Variants in KLF9 observed in about 807,000 individuals in gnomAD.
KLF9 encodes Krueppel-like factor 9.
Under a neutral mutation model 17.3 loss-of-function variants are expected in KLF9, and 2 were observed. That is an observed-to-expected ratio of 0.12 (90% CI 0.05 to 0.36). The LOEUF (loss-of-function observed/expected upper bound fraction) is 0.36. KLF9 is among the 10% of genes least tolerant of loss of function. The pLI is 1.00. For synonymous variants in KLF9, 138 were observed against 139.2 expected, an observed-to-expected ratio of 0.99 and a Z score of 0.06; for missense variants, 226 against 333.2, an observed-to-expected ratio of 0.68 and a Z score of 2.51.
chr9:70,393,765 A>G (rs1446793051), intron 1 of KLF9, among the ~76,000 whole-genome samples: 1 of 152,196 alleles, frequency 6.6e-6, no homozygotes, highest in Non-Finnish European at 1.5e-5. Flanking sequence ...GACTTCTTCT[A>G]GAAGAAAAAT....
rs73458560 is a variant in KLF9, at chr9:70,411,822, C to T, written c.505+1037G>A. Among the ~76,000 whole-genome samples, 620 of 152,292 alleles carry T rather than the reference C, an allele frequency of 4.1e-3. 5 individuals are homozygous for T. The highest frequency in any genetic ancestry group is 0.014 in the African/African-American group (595 of 41,560). On this transcript the variant is annotated intron_variant, in intron 1 of 1. Coordinates refer to ENST00000377126, the MANE Select transcript of KLF9 (RefSeq NM_001206.4). The stretch of plus-strand genomic sequence containing the variant: ...CACAAGACAGAGGCAAAAGGCTTAT[C>T]TGAGAGGACCAAGCCCCGCTACCTC...
intron 1 of KLF9, among the ~76,000 whole-genome samples, chr9:70,411,729 A>C (rs2037314938): frequency 6.6e-6 from 1 of 152,206 alleles, no homozygotes; most frequent in Admixed American, 6.5e-5. Context: ...AAAAGTATCG[A>C]GGTATTACAC....
At chr9:70,409,207 T>C (rs1345220918) in intron 1 of KLF9, among the ~76,000 whole-genome samples, 6 of 133,130 alleles carry the variant, frequency 4.5e-5, no homozygotes, top group African/African-American at 1.4e-4. Context: ...TATGTATATA[T>C]ATATACATAT....
chr9:70,385,162 A>ATAAG lies in KLF9; in HGVS notation c.*2610_*2613dup, dbSNP rs1408206416. 1.3e-5 allele frequency: 2 copies of ATAAG among 152,656 alleles called. No homozygotes were observed. The highest frequency in any genetic ancestry group is 2.4e-5 in the African/African-American group (1 of 41,466). The allele number at this position is 152,656 out of a possible 1,614,324, so 9.5% of individuals were successfully genotyped here. ...ATTACTATCCTGCATTTGGATTTTC[A>ATAAG]TAAGTTAAATCCATGGTCTTTTTAA... is the stretch of plus-strand genomic sequence containing the variant. On this transcript the variant is annotated 3_prime_UTR_variant, in exon 2 of 2. Transcript: ENST00000377126.
intron 1 of KLF9, among the ~76,000 whole-genome samples, chr9:70,396,143 C>T (rs1040096362): frequency 6.6e-6 from 1 of 152,112 alleles, no homozygotes. Context: ...AGGAAACAGG[C>T]CCTCTACCAC....
chr9:70,413,070 G>C lies in KLF9; in HGVS notation c.294C>G (p.Asp98Glu), dbSNP rs2037339222. 2 of 1,614,050 alleles carry C rather than the reference G, an allele frequency of 1.2e-6. No homozygotes were observed. The highest frequency in any genetic ancestry group is 1.1e-5 in the South Asian group (1 of 91,070). The change falls in exon 1 of 2, where the codon GAC becomes GAG. Residue 98 changes from aspartate (D) to glutamate (E), a missense_variant. Coordinates refer to ENST00000377126, the MANE Select transcript of KLF9 (RefSeq NM_001206.4). This position sits in a 1 kb window ranked among gnomAD's most constrained non-coding sequence, Gnocchi z 5.6. Reference protein sequence around the residue: ...SPDEDMGSDSDVTTESGSSPS... With the variant: ...SPDEDMGSDSEVTTESGSSPS... Reference sequence around the variant, plus strand: ...GACTCGACCCAGATTCGGTGGTCACGTCGCTGTCGGATCCCATATCCTCAT... The same window carrying C: ...GACTCGACCCAGATTCGGTGGTCACCTCGCTGTCGGATCCCATATCCTCAT...
intron 1 of KLF9, among the ~76,000 whole-genome samples, chr9:70,399,266 A>T (rs2037204232): frequency 6.6e-6 from 1 of 152,222 alleles, no homozygotes; most frequent in African/African-American, 2.4e-5. Context: ...GTGATAAAAG[A>T]TCATAAAAGT....
At chr9:70,397,276 A>G (rs985696368) in intron 1 of KLF9, among the ~76,000 whole-genome samples, 3 of 151,986 alleles carry the variant, frequency 2.0e-5, no homozygotes, top group Admixed American at 6.6e-5. Context: ...GGAGGTTGAG[A>G]CCATCCTGGC....
chr9:70,408,403 C>T (rs1223684880), intron 1 of KLF9, among the ~76,000 whole-genome samples: 1 of 152,138 alleles, frequency 6.6e-6, no homozygotes, highest in African/African-American at 2.4e-5. Context: ...TTATGAAATG[C>T]CATTCCACAT....
chr9:70,398,976 G>T (rs1455836436), intron 1 of KLF9, among the ~76,000 whole-genome samples: 1 of 152,054 alleles, frequency 6.6e-6, no homozygotes, highest in African/African-American at 2.4e-5. Context: ...TGGACCACAG[G>T]TGCATGCCAC....
chr9:70,401,867 G>A (rs1261686171), intron 1 of KLF9, among the ~76,000 whole-genome samples: 1 of 150,054 alleles, frequency 6.7e-6, no homozygotes, highest in Non-Finnish European at 1.5e-5. Flanking sequence ...GTACAAAAAT[G>A]AGCTGGGTGT....
intron 1 of KLF9, among the ~76,000 whole-genome samples, chr9:70,390,838 C>G (rs1389539991): frequency 1.3e-5 from 2 of 152,096 alleles, no homozygotes; most frequent in Non-Finnish European, 2.9e-5. Context: ...AAAAATATAA[C>G]AAGGGGTCAG....
intron 1 of KLF9, among the ~76,000 whole-genome samples, chr9:70,392,453 GA>G (rs981300399): frequency 6.6e-5 from 10 of 152,134 alleles, no homozygotes; most frequent in Admixed American, 5.2e-4. Flanking sequence ...GTAGCCCTTT[GA>G]AAAATCTCCC....
At chr9:70,407,177 T>C (rs551116377) in intron 1 of KLF9, among the ~76,000 whole-genome samples, 8 of 152,186 alleles carry the variant, frequency 5.3e-5, no homozygotes, top group Non-Finnish European at 1.2e-4. Context: ...TGTTTCTCCC[T>C]GGGAAGTTCA....
intron 1 of KLF9, among the ~76,000 whole-genome samples, chr9:70,409,083 C>T (rs10868819): frequency 0.032 from 1,899 of 59,588 alleles, 147 homozygotes; most frequent in Non-Finnish European, 0.056. Flanking sequence ...TATATATATA[C>T]ACATATATGT....
At chr9:70,389,643 T>C (rs1336473174) in intron 1 of KLF9, among the ~76,000 whole-genome samples, 1 of 152,196 alleles carries the variant, frequency 6.6e-6, no homozygotes, top group Non-Finnish European at 1.5e-5. Flanking sequence ...AACCTCCTGC[T>C]GCTCCCCACC....
chr9:70,402,507 C>G (rs903123593), intron 1 of KLF9, among the ~76,000 whole-genome samples: 5 of 152,140 alleles, frequency 3.3e-5, no homozygotes, highest in Middle Eastern at 3.2e-3. Context: ...TTTCTCTGGA[C>G]ATTAAAATGG....
intron 1 of KLF9, among the ~76,000 whole-genome samples, chr9:70,393,206 G>T (rs2037162875): frequency 1.3e-5 from 2 of 152,220 alleles, no homozygotes; most frequent in Admixed American, 1.3e-4. Flanking sequence ...TGGGCCTACG[G>T]AGGGTGCAAG....
At chr9:70,409,092 GTATATATAT>G (rs1564089231) in intron 1 of KLF9, among the ~76,000 whole-genome samples, 1 of 86,032 alleles carries the variant, frequency 1.2e-5, no homozygotes, top group Non-Finnish European at 2.6e-5. Flanking sequence ...ACACATATAT[GTATATATAT>G]GTGTATATAT....
Sources: allele counts gnomAD v4.1 joint callset (sites outside exome capture counted in the v4.1 genomes callset), GRCh38; gene constraint gnomAD v4.1.1; non-coding constraint Gnocchi (gnomAD v3.1); transcripts MANE v1.5; gene names NCBI Gene and HGNC (gene_info 2026-07-23, HGNC 2026-07-21).